ENTREP2: variants seen among roughly 807,000 people sequenced by gnomAD.
ENTREP2 encodes endosomal transmembrane epsin interactor 2.
the ENTREP2 span, chr15:29,235,046 T>G: frequency 8.7e-7 from 1 of 1,151,268 alleles, no homozygotes; most frequent in South Asian, 1.2e-5. Context: ...TCTTCCCAGG[T>G]AGTGGCCCCA....
the ENTREP2 span, among the ~76,000 whole-genome samples, chr15:29,254,979 T>C: frequency 1.3e-5 from 2 of 152,204 alleles, no homozygotes; most frequent in African/African-American, 4.8e-5. Context: ...GCCAAGAACT[T>C]AAACACATTT....
At chr15:29,333,509 C>T in the ENTREP2 span, among the ~76,000 whole-genome samples, 1 of 152,142 alleles carries the variant, frequency 6.6e-6, no homozygotes, top group East Asian at 1.9e-4. Context: ...CTGCATGGCC[C>T]TCCCGGGCAC....
the ENTREP2 span, among the ~76,000 whole-genome samples, chr15:29,181,528 AAGT>A: frequency 3.3e-5 from 5 of 152,252 alleles, no homozygotes; most frequent in African/African-American, 1.2e-4. Flanking sequence ...AAGAAAAGCA[AAGT>A]AGATTTTCAT....
the ENTREP2 span, among the ~76,000 whole-genome samples, chr15:29,167,326 A>T: frequency 1.3e-5 from 2 of 152,228 alleles, no homozygotes; most frequent in Non-Finnish European, 2.9e-5. Context: ...GCTGGGATCA[A>T]ATTAAACTAA....
At chr15:29,294,154 G>C in the ENTREP2 span, among the ~76,000 whole-genome samples, 1 of 152,184 alleles carries the variant, frequency 6.6e-6, no homozygotes, top group Non-Finnish European at 1.5e-5. Flanking sequence ...TGGGCAGCCA[G>C]AGCCCCAGCC....
chr15:29,390,763 C>T, the ENTREP2 span, among the ~76,000 whole-genome samples: 9,278 of 152,228 alleles, frequency 0.061, 391 homozygotes, highest in African/African-American at 0.088. Context: ...TTCCTAAAAT[C>T]AAGAATGTTC....
At chr15:29,137,045 A>AGTGGAC in the ENTREP2 span, 18 of 1,438,840 alleles carry the variant, frequency 1.3e-5, no homozygotes, top group Non-Finnish European at 1.6e-5. Flanking sequence ...TCTGGGCCTC[A>AGTGGAC]GTGGACGGTG....
At chr15:29,364,425 A>G in the ENTREP2 span, among the ~76,000 whole-genome samples, 1 of 152,188 alleles carries the variant, frequency 6.6e-6, no homozygotes, top group African/African-American at 2.4e-5. Context: ...GCAGGCATCT[A>G]TCTGAACAGG....
the ENTREP2 span, among the ~76,000 whole-genome samples, chr15:29,342,283 G>A: frequency 9.9e-5 from 15 of 152,174 alleles, no homozygotes; most frequent in African/African-American, 3.4e-4. Flanking sequence ...ACTGCTGTGC[G>A]TTCCATGCAT....
chr15:29,510,809 C>CAAAAAA, the ENTREP2 span, among the ~76,000 whole-genome samples: 8 of 124,236 alleles, frequency 6.4e-5, no homozygotes, highest in African/African-American at 1.8e-4. Context: ...GACTCCATCT[C>CAAAAAA]AAAAAAAAAA....
chr15:29,388,957 C>A, the ENTREP2 span, among the ~76,000 whole-genome samples: 2 of 110,532 alleles, frequency 1.8e-5, no homozygotes, highest in Non-Finnish European at 3.4e-5. Context: ...CACACCGGGG[C>A]CTGTTGTGGG....
At chr15:29,628,956 G>A in the ENTREP2 span, among the ~76,000 whole-genome samples, 1 of 152,060 alleles carries the variant, frequency 6.6e-6, no homozygotes, top group African/African-American at 2.4e-5. Context: ...CACCGTGTTG[G>A]CCAGGCTGGT....
At chr15:29,490,391 G>A in the ENTREP2 span, among the ~76,000 whole-genome samples, 3 of 151,494 alleles carry the variant, frequency 2.0e-5, no homozygotes, top group East Asian at 3.9e-4. Context: ...TCCACAACAT[G>A]GAAGAGAACC....
chr15:29,627,986 G>T, the ENTREP2 span, among the ~76,000 whole-genome samples: 5,389 of 152,230 alleles, frequency 0.035, 132 homozygotes, highest in Non-Finnish European at 0.05. Flanking sequence ...TCCATTCCGT[G>T]TAAGTATATA....
chr15:29,147,520 C>T, the ENTREP2 span, among the ~76,000 whole-genome samples: 1 of 151,812 alleles, frequency 6.6e-6, no homozygotes, highest in Non-Finnish European at 1.5e-5. Context: ...AAATGAAATA[C>T]CACTTCACCA....
the ENTREP2 span, among the ~76,000 whole-genome samples, chr15:29,424,190 C>T: frequency 6.6e-6 from 1 of 152,190 alleles, no homozygotes; most frequent in African/African-American, 2.4e-5. Context: ...TGAGCAACAG[C>T]AAGCTTTATT....
the ENTREP2 span, among the ~76,000 whole-genome samples, chr15:29,257,030 AGTTT>A: frequency 1.3e-5 from 2 of 148,870 alleles, no homozygotes; most frequent in African/African-American, 2.5e-5. Flanking sequence ...GATGAATCAC[AGTTT>A]ATTTTTTTAT....
the ENTREP2 span, among the ~76,000 whole-genome samples, chr15:29,626,296 G>A: frequency 6.6e-6 from 1 of 152,156 alleles, no homozygotes; most frequent in African/African-American, 2.4e-5. Context: ...ACATGTCAAA[G>A]GCAGGGCCAA....
chr15:29,134,057 A>T, the ENTREP2 span, among the ~76,000 whole-genome samples: 1 of 151,992 alleles, frequency 6.6e-6, no homozygotes, highest in African/African-American at 2.4e-5. Context: ...GGACCCCCAA[A>T]TTGGGCCTGA....
Sources: gnomAD v4.1 joint callset for allele counts (sites outside exome capture counted in the v4.1 genomes callset) on GRCh38, gnomAD v4.1.1 for gene constraint, MANE v1.5 for transcripts, NCBI Gene and HGNC (gene_info 2026-07-23, HGNC 2026-07-21) for gene names.